The following LGI1 variants were observed in gnomAD, a reference collection of about 807,000 sequenced individuals.
LGI1 encodes leucine-rich glioma-inactivated protein 1.
Under a neutral mutation model 57.7 loss-of-function variants are expected in LGI1, and 11 were observed. That is an observed-to-expected ratio of 0.19 (90% CI 0.12 to 0.32). The LOEUF is 0.32. Among genes scored for constraint, LGI1 ranks in the 10% least tolerant of loss-of-function variants. The pLI, the probability that LGI1 is intolerant of heterozygous loss-of-function variation, is 1.00. For missense variants in LGI1, 422 were observed against 661.9 expected, an observed-to-expected ratio of 0.64 and a Z score of 3.98; for synonymous variants, 222 against 241.9, an observed-to-expected ratio of 0.92 and a Z score of 0.76.
chr10:93,761,460 G>A (rs1284510520), intron 2 of LGI1, among the ~76,000 whole-genome samples: 26 of 152,164 alleles, frequency 1.7e-4, no homozygotes. Context: ...TAAAGCAAAT[G>A]TCCTATTTCC....
At chr10:93,771,755 C>G (rs1384796494) in intron 2 of LGI1, 1 of 152,204 alleles carries the variant, frequency 6.6e-6, no homozygotes, top group Non-Finnish European at 1.5e-5. Context: ...GAGGGTGGAT[C>G]ACGTGAGGTC....
At chr10:93,782,279 G>A (rs1035089981) in intron 4 of LGI1, among the ~76,000 whole-genome samples, 2 of 152,168 alleles carry the variant, frequency 1.3e-5, no homozygotes, top group African/African-American at 2.4e-5. Context: ...GGAATTTGGG[G>A]CAGGCCATTT....
intron 2 of LGI1, chr10:93,765,222 C>T (rs1206154938): frequency 2.0e-5 from 3 of 152,122 alleles, no homozygotes; most frequent in Non-Finnish European, 4.4e-5. Context: ...ACAAAACTAC[C>T]TAATAGTTTG....
At chr10:93,795,293 T>C (rs1360625360) in intron 7 of LGI1, among the ~76,000 whole-genome samples, 1 of 152,198 alleles carries the variant, frequency 6.6e-6, no homozygotes, top group African/African-American at 2.4e-5. Flanking sequence ...TTATTTCTCA[T>C]AGTTCTGGAG....
chr10:93,775,865 T>TAA (rs2059789650), intron 2 of LGI1: 1 of 152,212 alleles, frequency 6.6e-6, no homozygotes, highest in Admixed American at 6.5e-5. Flanking sequence ...TGTACCAATT[T>TAA]CTTCCTTATT....
At chr10:93,765,795 C>G (rs965061576) in intron 2 of LGI1, 5 of 151,794 alleles carry the variant, frequency 3.3e-5, no homozygotes, top group African/African-American at 1.2e-4. Flanking sequence ...ACGGTGAAAC[C>G]CCGTCTCTAC....
rs544710591 is a variant in LGI1 at position 93,764,459 on chromosome 10, G to A, written c.287+5628G>A. 1.2e-4 allele frequency: 19 copies of A among 152,320 alleles called. No homozygotes were observed. In the East Asian group the frequency reaches 3.7e-3, roughly 29 times the overall value. 9.4% of individuals were successfully genotyped at this position (152,320 alleles called of 1,614,324 possible). On this transcript the variant is annotated intron_variant, in intron 2 of 7. Transcript: ENST00000371418. Reference sequence around the variant, plus strand: ...GATTCAGTTGATTAGTGATGATGGTGATGCTTGCTGGTTGTTGATCCTGTG... The same window carrying A: ...GATTCAGTTGATTAGTGATGATGGTAATGCTTGCTGGTTGTTGATCCTGTG...
intron 2 of LGI1, among the ~76,000 whole-genome samples, chr10:93,773,437 T>C (rs1564843409): frequency 6.6e-6 from 1 of 152,080 alleles, no homozygotes; most frequent in East Asian, 1.9e-4. Context: ...TCCTCTTCTG[T>C]CAAATAGATC....
intron 4 of LGI1, among the ~76,000 whole-genome samples, chr10:93,778,016 A>G (rs2059809002): frequency 6.6e-6 from 1 of 152,192 alleles, no homozygotes; most frequent in Non-Finnish European, 1.5e-5. Context: ...CGATGTCTTC[A>G]TAGTACCTGA....
At chr10:93,794,014 T>G (rs528604694) in intron 7 of LGI1, 15 of 115,716 alleles carry the variant, frequency 1.3e-4, no homozygotes, top group African/African-American at 4.7e-4. Flanking sequence ...TTTTTCTTTT[T>G]TTTTCTTTTT....
intron 4 of LGI1, among the ~76,000 whole-genome samples, chr10:93,781,840 A>G (rs991108925): frequency 1.3e-5 from 2 of 152,204 alleles, no homozygotes; most frequent in East Asian, 1.9e-4. Context: ...CAGTGGAGCC[A>G]GCATTGTTTG....
At chr10:93,786,954 G>A (rs142556554) in intron 4 of LGI1, among the ~76,000 whole-genome samples, 32 of 152,250 alleles carry the variant, frequency 2.1e-4, no homozygotes, top group South Asian at 1.7e-3. Flanking sequence ...TTCCTAAGTC[G>A]TTCTCTGCCC....
chr10:93,769,374 G>A (rs945688445), intron 2 of LGI1: 4 of 152,100 alleles, frequency 2.6e-5, no homozygotes, highest in Non-Finnish European at 4.4e-5. Context: ...CACACTGTCC[G>A]TGTCCTACCT....
At chr10:93,795,110 C>A (rs1724083501) in intron 7 of LGI1, among the ~76,000 whole-genome samples, 1 of 152,104 alleles carries the variant, frequency 6.6e-6, no homozygotes, top group Non-Finnish European at 1.5e-5. Flanking sequence ...GTGTATGGTT[C>A]ATCAATTTCT....
intron 4 of LGI1, chr10:93,789,452 G>A (rs1271726283): frequency 1.3e-5 from 2 of 152,538 alleles, no homozygotes; most frequent in South Asian, 2.1e-4. Flanking sequence ...TTTTGGAGAT[G>A]GACACTCACC....
At chr10:93,792,116 T>C (rs2059941919) in intron 5 of LGI1, 1 of 152,326 alleles carries the variant, frequency 6.6e-6, no homozygotes. Flanking sequence ...GATTCTCAGC[T>C]CAATTATTGG....
chr10:93,790,562 G>A (rs1028930148), intron 5 of LGI1: 1 of 203,406 alleles, frequency 4.9e-6, no homozygotes, highest in African/African-American at 2.4e-5. Flanking sequence ...GAATAAAGAT[G>A]AAAGGTTACA....
chr10:93,780,291 A>T (rs2059835107), intron 4 of LGI1: 1 of 152,626 alleles, frequency 6.6e-6, no homozygotes, highest in Admixed American at 6.6e-5. Context: ...GGAGAGATGG[A>T]GTAGGGAGGA....
At chr10:93,792,707 C>T in intron 5 of LGI1, 36 bp from the exon 6 acceptor site, 1 of 1,610,252 alleles carries the variant, frequency 6.2e-7, no homozygotes, top group Middle Eastern at 1.7e-4. Flanking sequence ...GGGTAGGGCC[C>T]TTGTACAGCA....
Sources: gnomAD v4.1 joint callset for allele counts (sites outside exome capture counted in the v4.1 genomes callset) on GRCh38, gnomAD v4.1.1 for gene constraint, MANE v1.5 for transcripts, NCBI Gene and HGNC (gene_info 2026-07-23, HGNC 2026-07-21) for gene names.